Variants in FANCD2 observed in about 807,000 individuals in gnomAD.
The protein encoded by FANCD2 is Fanconi anemia group D2 protein.
In FANCD2, 131 loss-of-function variants were observed where a neutral mutation model predicts 192.3. The observed-to-expected ratio is 0.68, with a 90% CI of 0.59 to 0.79. FANCD2 has a LOEUF of 0.79. FANCD2 is among the 30% of genes least tolerant of loss of function. The pLI, the probability that FANCD2 is intolerant of heterozygous loss-of-function variation, is 0.00. For missense variants in FANCD2, 1,508 were observed against 1,701.6 expected, an observed-to-expected ratio of 0.89 and a Z score of 2.00; for synonymous variants, 524 against 612.5, an observed-to-expected ratio of 0.86 and a Z score of 2.13.
intron 23 of FANCD2, 48 bp downstream of exon 23, chr3:10,064,923 A>T (rs750088699): frequency 3.1e-6 from 5 of 1,602,744 alleles, no homozygotes; most frequent in Non-Finnish European, 4.3e-6. Flanking sequence ...TTGAATGTTC[A>T]TGGGGAATTC....
At chr3:10,051,376 G>T (rs1433256941) in intron 17 of FANCD2, among the ~76,000 whole-genome samples, 2 of 82,758 alleles carry the variant, frequency 2.4e-5, no homozygotes, top group Admixed American at 2.2e-4. Context: ...GCGAGACTCC[G>T]TCTCAAAAAA....
At chr3:10,032,096 C>T (rs577558626) in intron 2 of FANCD2, among the ~76,000 whole-genome samples, 4 of 151,920 alleles carry the variant, frequency 2.6e-5, no homozygotes, top group Admixed American at 6.6e-5. Flanking sequence ...CAGCCTGCCT[C>T]GGCCTCCCAA....
At chr3:10,079,916 G>A (rs1318466617) in intron 30 of FANCD2, among the ~76,000 whole-genome samples, 3 of 151,100 alleles carry the variant, frequency 2.0e-5, no homozygotes, top group East Asian at 1.9e-4. Flanking sequence ...TTTCTTCTTC[G>A]TCTTCTTTTT....
rs372639953 is a variant in FANCD2, at chr3:10,041,905, G to GT, written c.783+206dup. Among the ~76,000 whole-genome samples, 28,401 of 138,306 alleles carry GT rather than the reference G, an allele frequency of 0.21. 3,243 individuals carry two copies. The highest frequency in any genetic ancestry group is 0.32 in the African/African-American group (12,289 of 38,166). 90.7% of individuals were successfully genotyped at this position (138,306 alleles called of 152,430 possible). A position where few individuals can be genotyped will look rare whatever the true frequency, so the allele number is the denominator to read the frequency against. ...TATTCTATGGTAGAGTCACAGGTCT[G>GT]TTTTTTTTTTTGAGACGGAGTATCA... On this transcript the variant is annotated intron_variant, in intron 10 of 43. Transcript: ENST00000675286.
chr3:10,089,272 C>T (rs943446032), intron 36 of FANCD2, among the ~76,000 whole-genome samples: 1 of 150,534 alleles, frequency 6.6e-6, no homozygotes, highest in Non-Finnish European at 1.5e-5. Flanking sequence ...GCAGCAAGAG[C>T]GAAACTCCAT....
chr3:10,034,405 G>T, intron 3 of FANCD2, 64 bp from the exon 4 acceptor site: 1 of 1,049,244 alleles, frequency 9.5e-7, no homozygotes, highest in Non-Finnish European at 1.5e-6. Context: ...CAAGAAACTT[G>T]GGTTTTTAGA....
intron 30 of FANCD2, 113 bp downstream of exon 30, chr3:10,078,310 C>T: frequency 1.3e-6 from 1 of 763,400 alleles, no homozygotes; most frequent in Non-Finnish European, 2.4e-6. Context: ...CACTGGGTAG[C>T]ATGGGTGCAG....
chr3:10,098,111 TGTA>T (rs1190415192), intron 42 of FANCD2, among the ~76,000 whole-genome samples: 6 of 152,332 alleles, frequency 3.9e-5, no homozygotes, highest in African/African-American at 1.4e-4. Context: ...ATCTGAGTCT[TGTA>T]GTCAATTATA....
At chr3:10,097,423 C>T (rs911893865) in intron 42 of FANCD2, among the ~76,000 whole-genome samples, 2 of 152,186 alleles carry the variant, frequency 1.3e-5, no homozygotes, top group African/African-American at 2.4e-5. Context: ...CAGAGACCTA[C>T]CCCTAGGTGT....
chr3:10,029,018 T>C (rs1032024224), intron 2 of FANCD2, among the ~76,000 whole-genome samples: 1 of 152,214 alleles, frequency 6.6e-6, no homozygotes, highest in Non-Finnish European at 1.5e-5. Context: ...CATAACATAG[T>C]CTGTACCCTT....
intron 7 of FANCD2, among the ~76,000 whole-genome samples, chr3:10,038,579 CTTTTT>C (rs573306335): frequency 7.8e-6 from 1 of 128,952 alleles, no homozygotes; most frequent in Non-Finnish European, 1.6e-5. Context: ...TATATGCTTG[CTTTTT>C]TTTTTTTTTT....
intron 2 of FANCD2, among the ~76,000 whole-genome samples, chr3:10,031,024 TA>T (rs1157036848): frequency 9.2e-5 from 14 of 152,320 alleles, no homozygotes; most frequent in South Asian, 8.3e-4. Flanking sequence ...TTACTGAAAG[TA>T]AATGTTATAC....
rs569433760 is a variant in FANCD2, at chr3:10,028,184, A to G, written c.-33-441A>G. On this transcript the variant is annotated intron_variant, in intron 1 of 43. Coordinates refer to ENST00000675286, the MANE Select transcript of FANCD2 (RefSeq NM_001018115.3). ...GAACCTGTACTTTTATAGCACTTAC[A>G]TAACTGTAGTTCAGTACATTAAGGC... Among the ~76,000 whole-genome samples the G allele has an allele frequency of 5.1e-4, 78 of 152,284 alleles. 1 individual carries two copies. In the South Asian group the frequency reaches 0.014, roughly 27 times the overall value.
At chr3:10,094,702 A>AT (rs199692792) in intron 40 of FANCD2, among the ~76,000 whole-genome samples, 1 of 151,322 alleles carries the variant, frequency 6.6e-6, no homozygotes, top group Admixed American at 6.6e-5. Context: ...CTCAGAAATG[A>AT]TTTTAAAAAA....
intron 10 of FANCD2, 112 bp from the exon 11 acceptor site, chr3:10,042,447 T>A: frequency 1.1e-6 from 1 of 909,000 alleles, no homozygotes; most frequent in Non-Finnish European, 1.8e-6. Context: ...AAATTATAAG[T>A]GGGAAGATGG....
chr3:10,044,645 T>C (rs2086951827), intron 14 of FANCD2, among the ~76,000 whole-genome samples: 1 of 152,040 alleles, frequency 6.6e-6, no homozygotes, highest in South Asian at 2.1e-4. Context: ...CCTTTAAAGA[T>C]TTTTCTTTGG....
chr3:10,040,161 A>G (rs1284474347), intron 9 of FANCD2: 7 of 385,200 alleles, frequency 1.8e-5, no homozygotes, highest in African/African-American at 1.0e-4. Context: ...CAGCCTCCCA[A>G]GTAGCTGGGA....
intron 32 of FANCD2, chr3:10,083,596 A>G (rs1693978446): frequency 6.6e-6 from 1 of 152,174 alleles, no homozygotes; most frequent in Non-Finnish European, 1.5e-5. Flanking sequence ...AAATGAAAGC[A>G]TACGTCCACC....
At chr3:10,060,024 G>C (rs1290898491) in intron 18 of FANCD2, among the ~76,000 whole-genome samples, 1 of 151,814 alleles carries the variant, frequency 6.6e-6, no homozygotes, top group Non-Finnish European at 1.5e-5. Context: ...AAAATAAGCC[G>C]GGCATGGTGG....
Sources: allele counts gnomAD v4.1 joint callset (sites outside exome capture counted in the v4.1 genomes callset), GRCh38; gene constraint gnomAD v4.1.1; transcripts MANE v1.5; gene names NCBI Gene and HGNC (gene_info 2026-07-23, HGNC 2026-07-21).